The following HMGB1 variants were observed in gnomAD, a reference collection of about 807,000 sequenced individuals.
The protein encoded by HMGB1 is high mobility group box 1.
For synonymous variants in HMGB1, 81 were observed against 84.0 expected, an observed-to-expected ratio of 0.96 and a Z score of 0.19; for missense variants, 79 against 253.5, an observed-to-expected ratio of 0.31 and a Z score of 4.67.
intron 1 of HMGB1, among the ~76,000 whole-genome samples, chr13:30,528,890 G>C (rs546148565): frequency 6.6e-6 from 1 of 151,998 alleles, no homozygotes; most frequent in African/African-American, 2.4e-5. Context: ...TTAGCCAGGC[G>C]TGGTGGCGGG....
intron 1 of HMGB1, chr13:30,464,460 T>A (rs1024050153): frequency 1.0e-4 from 103 of 984,980 alleles, no homozygotes; most frequent in Middle Eastern, 5.2e-4. Flanking sequence ...GGGTGACTCC[T>A]GCGCGGGGCG....
chr13:30,533,605 TCCAC>T (rs1393641209), intron 1 of HMGB1, among the ~76,000 whole-genome samples: 1 of 152,072 alleles, frequency 6.6e-6, no homozygotes, highest in African/African-American at 2.4e-5. Flanking sequence ...CCTCGAGTGA[TCCAC>T]CGGCCTCGGC....
At chr13:30,523,723 ATTTG>A (rs1047021507) in intron 1 of HMGB1, among the ~76,000 whole-genome samples, 8 of 142,804 alleles carry the variant, frequency 5.6e-5, no homozygotes, top group Non-Finnish European at 9.0e-5. Context: ...TTCATTTGGC[ATTTG>A]TTTTTGTTGG....
At chr13:30,608,597 C>T (rs1054065772) in intron 1 of HMGB1, among the ~76,000 whole-genome samples, 1 of 152,196 alleles carries the variant, frequency 6.6e-6, no homozygotes, top group Non-Finnish European at 1.5e-5. Context: ...GGCCAACTTC[C>T]TCTCTTCTTT....
At chr13:30,527,203 T>G (rs1189809101) in intron 1 of HMGB1, among the ~76,000 whole-genome samples, 6 of 152,178 alleles carry the variant, frequency 3.9e-5, no homozygotes, top group Non-Finnish European at 7.4e-5. Flanking sequence ...AAAAATGGAA[T>G]GGGACCTGCC....
intron 1 of HMGB1, chr13:30,464,140 A>C: frequency 1.2e-6 from 1 of 844,276 alleles, no homozygotes; most frequent in Non-Finnish European, 1.3e-6. Flanking sequence ...TAATTATGGG[A>C]CCTTAAAAAA....
intron 1 of HMGB1, among the ~76,000 whole-genome samples, chr13:30,556,886 G>A (rs1372453669): frequency 6.6e-6 from 1 of 152,124 alleles, no homozygotes; most frequent in Non-Finnish European, 1.5e-5. Context: ...TCAAATAGCT[G>A]GAAGGATATT....
chr13:30,491,963 T>C (rs531580816), intron 1 of HMGB1, among the ~76,000 whole-genome samples: 4 of 149,978 alleles, frequency 2.7e-5, no homozygotes, highest in African/African-American at 9.8e-5. Context: ...GGTCAGGAGA[T>C]CAAGACCATC....
In HMGB1 at chr13:30,479,831, T is replaced by C. The variant is rs1887187566; in HGVS notation, c.-14-16137A>G. Among the ~76,000 whole-genome samples the C allele has an allele frequency of 1.3e-5, 2 of 152,238 alleles. 1 individual carries two copies. The highest frequency in any genetic ancestry group is 3.8e-4 in the East Asian group (2 of 5,202). On this transcript the variant is annotated intron_variant, in intron 1 of 4. Transcript: ENST00000405805. The stretch of plus-strand genomic sequence containing the variant: ...GTAAATGATCAACAGATGTTGGATG[T>C]TATTATAATTTTCCTAATGCATACA...
chr13:30,599,249 A>T (rs770441476), intron 1 of HMGB1, among the ~76,000 whole-genome samples: 5 of 152,180 alleles, frequency 3.3e-5, no homozygotes, highest in Non-Finnish European at 5.9e-5. Context: ...TGGGCGGATC[A>T]CCTGAGGTCA....
rs1886128293 is a variant in HMGB1, at chr13:30,458,904, A to T, written c.*2453T>A. ...GGTAACTAATCAGCAATAGCTCTCA[A>T]CCTTTGCACAGCAAAGTTAGGAAAT... On this transcript the variant is annotated 3_prime_UTR_variant, in exon 5 of 5. Transcript: ENST00000341423. 6.6e-6 allele frequency: 1 copy of T among 152,172 alleles called. No homozygotes were observed. The highest frequency in any genetic ancestry group is 2.4e-5 in the African/African-American group (1 of 41,448). The allele number at this position is 152,172 out of a possible 1,614,324, so 9.4% of individuals were successfully genotyped here.
chr13:30,558,852 G>A (rs1869809734), intron 1 of HMGB1, among the ~76,000 whole-genome samples: 1 of 152,178 alleles, frequency 6.6e-6, no homozygotes, highest in South Asian at 2.1e-4. Context: ...AACTCTGGGA[G>A]TAGGGCCGAG....
At chr13:30,482,148 C>T (rs1051429783) in intron 1 of HMGB1, among the ~76,000 whole-genome samples, 1 of 152,200 alleles carries the variant, frequency 6.6e-6, no homozygotes, top group Non-Finnish European at 1.5e-5. Flanking sequence ...TAATATTTCT[C>T]TTGGAGAAAG....
chr13:30,464,001 A>T, intron 1 of HMGB1: 1 of 603,740 alleles, frequency 1.7e-6, no homozygotes, highest in Non-Finnish European at 2.1e-6. Context: ...CTAACTGGTC[A>T]CTTAAACGAT....
Position 30,459,397 on chromosome 13 carries a change from T to G in HMGB1, c.*1960A>C, listed in dbSNP as rs185886657. 6.6e-6 allele frequency: 1 copy of G among 152,274 alleles called. No individual in the cohort carries two copies. The highest frequency in any genetic ancestry group is 6.5e-5 in the Admixed American group (1 of 15,300). The allele number at this position is 152,274 out of a possible 1,614,324, so 9.4% of individuals were successfully genotyped here. Reference sequence around the variant, plus strand: ...TGACGTACCTACTAAAGTTACAAATTCTCCTTGAGCCAGAATTCATTTTAA... The same window carrying G: ...TGACGTACCTACTAAAGTTACAAATGCTCCTTGAGCCAGAATTCATTTTAA... On this transcript the variant is annotated 3_prime_UTR_variant, in exon 5 of 5. Transcript: ENST00000341423.
chr13:30,501,826 A>G (rs1305953272), intron 1 of HMGB1, among the ~76,000 whole-genome samples: 1 of 152,324 alleles, frequency 6.6e-6, no homozygotes, highest in Admixed American at 6.5e-5. Flanking sequence ...AAAATCATCA[A>G]TCAGATAATG....
intron 4 of HMGB1, 198 bp from the exon 5 acceptor site, chr13:30,461,731 C>CTA (rs1021959787): frequency 3.1e-5 from 44 of 1,396,904 alleles, no homozygotes; most frequent in Non-Finnish European, 4.0e-5. Flanking sequence ...TTATAACAAT[C>CTA]TATAACTCAT....
Position 30,559,158 on chromosome 13 carries a change from G to A in HMGB1, c.-15+57513C>T, listed in dbSNP as rs566335212. ...TTGCCAAATGTACCTGGGGTGGGGG[G>A]TGCGGGTGGAGGAAAAATTGCCCCT... On this transcript the variant is annotated intron_variant, in intron 1 of 4. Coordinates refer to the HMGB1 transcript ENST00000405805. The surrounding 1 kb of genome is among the most constrained non-coding windows in gnomAD (Gnocchi z 6.6). Among the ~76,000 whole-genome samples the A allele has an allele frequency of 2.4e-4, 37 of 152,160 alleles. 1 individual carries two copies. The South Asian group carries it at 7.1e-3, about 29-fold the overall frequency.
rs555951962 is a variant in HMGB1, at chr13:30,571,154, T to C, written c.-15+45517A>G. Among the ~76,000 whole-genome samples, 40 of 152,170 alleles carry C rather than the reference T, an allele frequency of 2.6e-4. No individual in the cohort carries two copies. In the East Asian group the frequency reaches 7.7e-3, roughly 29 times the overall value. On this transcript the variant is annotated intron_variant, in intron 1 of 4. Coordinates refer to the HMGB1 transcript ENST00000405805. ...TAGGAATGCACAATCACAAGAAAAT[T>C]TGTGATATATATAGTCATTTTATTC...
Sources: gnomAD v4.1 joint callset for allele counts (sites outside exome capture counted in the v4.1 genomes callset) on GRCh38, gnomAD v4.1.1 for gene constraint, Gnocchi (gnomAD v3.1) non-coding constraint, MANE v1.5 for transcripts, NCBI Gene and HGNC (gene_info 2026-07-23, HGNC 2026-07-21) for gene names.